C16orf95: variants seen among roughly 807,000 people sequenced by gnomAD.
C16orf95 encodes chromosome 16 open reading frame 95, also known as uncharacterized protein C16orf95.
C16orf95 carries 41 observed loss-of-function variants against 32.1 expected under a neutral mutation model. That is an observed-to-expected ratio of 1.28 (90% CI 1.00 to 1.66). C16orf95 has a LOEUF of 1.66. Ranked by LOEUF, C16orf95 falls within the 40% of genes most tolerant of loss-of-function variation. The pLI, the probability that C16orf95 is intolerant of heterozygous loss-of-function variation, is 0.00. For synonymous variants in C16orf95, 147 were observed against 128.9 expected, an observed-to-expected ratio of 1.14 and a Z score of -0.95; for missense variants, 399 against 325.9, an observed-to-expected ratio of 1.22 and a Z score of -1.73.
Position 87,316,456 on chromosome 16 carries a change from C to T in C16orf95, c.153-633G>A, listed in dbSNP as rs575312827. ...GTCAAAGTGCTTTGTATGTGGAAAC[C>T]GTAAGAGCGATATAAGTGTTTTTGG... On this transcript the variant is annotated intron_variant, in intron 1 of 6. Coordinates refer to ENST00000567970, the MANE Select transcript of C16orf95 (RefSeq NM_001195124.3). 3.9e-5 allele frequency among the ~76,000 whole-genome samples: 6 copies of T among 152,226 alleles called. No individual in the cohort carries two copies. The East Asian group carries it at 1.2e-3, about 29-fold the overall frequency.
rs1423436609 is a variant in C16orf95, at chr16:87,305,682, A to G, written c.701+37T>C. On this transcript the variant is annotated intron_variant, in intron 6 of 6. Coordinates refer to ENST00000567970, the MANE Select transcript of C16orf95 (RefSeq NM_001195124.3). The surrounding 1 kb of genome is among the most constrained non-coding windows in gnomAD (Gnocchi z 4.2). ...TCCCTCAGGTGGACGTCACCATGCC[A>G]GGGCCACCCACTGTCCCCCATCCCC... The G allele has an allele frequency of 6.2e-6, 9 of 1,457,546 alleles. No homozygotes were observed. The highest frequency in any genetic ancestry group is 7.2e-6 in the Non-Finnish European group (8 of 1,108,146). 90.3% of individuals were successfully genotyped at this position (1,457,546 alleles called of 1,614,324 possible).
chr16:87,313,492 G>A (rs1288705453), intron 3 of C16orf95, among the ~76,000 whole-genome samples: 2 of 152,192 alleles, frequency 1.3e-5, no homozygotes, highest in Non-Finnish European at 2.9e-5. Flanking sequence ...CCAGCACTTT[G>A]GGAGGCCGAG....
Position 87,302,891 on chromosome 16 carries a change from A to G in C16orf95, c.*166T>C. 1.4e-6 allele frequency: 1 copy of G among 710,130 alleles called. No individual in the cohort carries two copies. Among genetic ancestry groups the G allele is most frequent in the Non-Finnish European group, 2.4e-6 (1 of 414,110 alleles). The allele number at this position is 710,130 out of a possible 1,614,324, so 44.0% of individuals were successfully genotyped here. A position where few individuals can be genotyped will look rare whatever the true frequency, so the allele number is the denominator to read the frequency against. On this transcript the variant is annotated 3_prime_UTR_variant, in exon 7 of 7. Coordinates refer to ENST00000567970, the MANE Select transcript of C16orf95 (RefSeq NM_001195124.3). The stretch of plus-strand genomic sequence containing the variant: ...CCACATTCACATGAACTTTGCTACA[A>G]CCAAGAATCACCTGATGAGAAATCA...
At chr16:87,310,530 A>G (rs1281850942) in intron 4 of C16orf95, among the ~76,000 whole-genome samples, 197 bp from the exon 5 acceptor site, 1 of 152,194 alleles carries the variant, frequency 6.6e-6, no homozygotes, top group Non-Finnish European at 1.5e-5. Flanking sequence ...AGCAACTGGA[A>G]GTCAGGGGGA....
intron 5 of C16orf95, among the ~76,000 whole-genome samples, chr16:87,308,968 A>C (rs1410887148): frequency 2.0e-5 from 3 of 152,208 alleles, no homozygotes; most frequent in Admixed American, 6.5e-5. Context: ...GAACACGATG[A>C]ATGTTTTTTC....
chr16:87,303,488 G>A (rs934402212), intron 6 of C16orf95: 1 of 182,546 alleles, frequency 5.5e-6, no homozygotes, highest in South Asian at 1.3e-4. Flanking sequence ...GGCCGCCGAG[G>A]CTTCTCCTGA....
intron 3 of C16orf95, 60 bp from the exon 4 acceptor site, chr16:87,311,356 T>C (rs1911278772): frequency 6.9e-7 from 1 of 1,443,880 alleles, no homozygotes. Context: ...CTGTCCCCAA[T>C]GACTCCCTGA....
chr16:87,303,092 G>C lies in C16orf95; in HGVS notation c.702-17C>G, dbSNP rs1910838151. 1 of 1,536,102 alleles carries C rather than the reference G, an allele frequency of 6.5e-7. No individual in the cohort carries two copies. The highest frequency in any genetic ancestry group is 1.2e-5 in the South Asian group (1 of 84,058). On this transcript the variant is annotated splice_polypyrimidine_tract_variant and intron_variant, in intron 6 of 6. Transcript: ENST00000567970. The stretch of plus-strand genomic sequence containing the variant: ...AAACACTGGCTGGAAAGCAAAGAGA[G>C]ACAGTTACTAGGACCCGGCCCCAGG...
At chr16:87,314,490 G>A (rs1002752546) in intron 3 of C16orf95, among the ~76,000 whole-genome samples, 1 of 152,198 alleles carries the variant, frequency 6.6e-6, no homozygotes, top group African/African-American at 2.4e-5. Context: ...CAGGTCAGTG[G>A]TTGCCTGGGG....
At chr16:87,304,727 T>G (rs1597341143) in intron 6 of C16orf95, among the ~76,000 whole-genome samples, 1 of 152,108 alleles carries the variant, frequency 6.6e-6, no homozygotes, top group Non-Finnish European at 1.5e-5. Context: ...AACGTCCAAC[T>G]CTAGGAGAAT....
intron 5 of C16orf95, among the ~76,000 whole-genome samples, chr16:87,309,981 T>C (rs1911206570): frequency 6.6e-6 from 1 of 152,222 alleles, no homozygotes; most frequent in Admixed American, 6.5e-5. Flanking sequence ...TCATAAATTA[T>C]AGAAGATTAG....
chr16:87,315,662 TGGA>T, intron 2 of C16orf95, 107 bp downstream of exon 2: 3 of 838,794 alleles, frequency 3.6e-6, no homozygotes, highest in Non-Finnish European at 5.2e-6. Flanking sequence ...CTTTTGTGTT[TGGA>T]GGATTCTCTC....
intron 5 of C16orf95, among the ~76,000 whole-genome samples, chr16:87,309,771 T>C (rs993591479): frequency 2.6e-5 from 4 of 152,184 alleles, no homozygotes; most frequent in Non-Finnish European, 5.9e-5. Context: ...GTATATACTA[T>C]GTCTATCATG....
At chr16:87,315,640 CCTG>C (rs1200627597) in intron 2 of C16orf95, 129 bp downstream of exon 2, 2 of 699,262 alleles carry the variant, frequency 2.9e-6, no homozygotes, top group African/African-American at 1.8e-5. Flanking sequence ...AGGGATAGCT[CCTG>C]CAACCACACT....
intron 3 of C16orf95, among the ~76,000 whole-genome samples, chr16:87,314,588 G>C (rs982405899): frequency 6.6e-6 from 1 of 152,182 alleles, no homozygotes; most frequent in African/African-American, 2.4e-5. Flanking sequence ...TCTTGATGGT[G>C]GTGGTGGGTT....
rs935034398 is a variant in C16orf95 at position 87,317,360 on chromosome 16, C to T, written c.-118G>A. On this transcript the variant is annotated 5_prime_UTR_variant, in exon 1 of 7. Transcript: ENST00000567970. ...AACCCAACCCGAGCTCAACCCCAGCCCCAACCTCAACCGCTCAGAGGAGCC... is the reference window on the plus strand; with the variant it reads ...AACCCAACCCGAGCTCAACCCCAGCTCCAACCTCAACCGCTCAGAGGAGCC... 60 of 1,421,108 alleles carry T rather than the reference C, an allele frequency of 4.2e-5. No individual in the cohort carries two copies. Among genetic ancestry groups the T allele is most frequent in the East Asian group, 1.1e-4 (4 of 37,108 alleles). 88.0% of individuals were successfully genotyped at this position (1,421,108 alleles called of 1,614,324 possible). A position where few individuals can be genotyped will look rare whatever the true frequency, so the allele number is the denominator to read the frequency against.
chr16:87,317,196 T>C lies in C16orf95; in HGVS notation c.47A>G (p.His16Arg). ...TGAGGCTGCTCCAGTGGCCTCATGA[T>C]GATGGTGACAACGCCGCGGGGACGG... ...SPPSPRRCHH[H>R]HEATGAASGA... The change falls in exon 1 of 7, where the codon CAT (histidine) becomes CGT (arginine). Residue 16 changes from histidine (H) to arginine (R), a missense_variant. Transcript: ENST00000567970. 1 of 1,531,120 alleles carries C rather than the reference T, an allele frequency of 6.5e-7. No individual in the cohort carries two copies. The highest frequency in any genetic ancestry group is 2.5e-5 in the East Asian group (1 of 40,406). The allele number at this position is 1,531,120 out of a possible 1,614,324, so 94.8% of individuals were successfully genotyped here. A position where few individuals can be genotyped will look rare whatever the true frequency, so the allele number is the denominator to read the frequency against.
Position 87,317,371 on chromosome 16 carries a change from C to A in C16orf95, c.-129G>T. The A allele has an allele frequency of 7.1e-7, 1 of 1,413,600 alleles. No homozygotes were observed. Among genetic ancestry groups the A allele is most frequent in the African/African-American group, 1.5e-5 (1 of 68,652 alleles). 87.6% of individuals were successfully genotyped at this position (1,413,600 alleles called of 1,614,324 possible). A position where few individuals can be genotyped will look rare whatever the true frequency, so the allele number is the denominator to read the frequency against. ...AGCTCAACCCCAGCCCCAACCTCAACCGCTCAGAGGAGCCCAACAACGCCC... is the reference window on the plus strand; with the variant it reads ...AGCTCAACCCCAGCCCCAACCTCAAACGCTCAGAGGAGCCCAACAACGCCC... On this transcript the variant is annotated 5_prime_UTR_variant, in exon 1 of 7. Coordinates refer to ENST00000567970, the MANE Select transcript of C16orf95 (RefSeq NM_001195124.3).
rs1460461811 is a variant in C16orf95 at position 87,317,271 on chromosome 16, C to T, written c.-29G>A. 6.7e-7 allele frequency: 1 copy of T among 1,496,384 alleles called. No individual in the cohort carries two copies. Among genetic ancestry groups the T allele is most frequent in the Non-Finnish European group, 8.9e-7 (1 of 1,123,848 alleles). The allele number at this position is 1,496,384 out of a possible 1,614,324, so 92.7% of individuals were successfully genotyped here. ...GCTTCTTATGGCTGACGCGCCCTTT[C>T]ACACACACATCGTCCGCAGGCCCTG... is the stretch of plus-strand genomic sequence containing the variant. On this transcript the variant is annotated 5_prime_UTR_variant, in exon 1 of 7. The change abolishes the stop of an existing upstream ORF in the 5' untranslated region. Coordinates refer to ENST00000567970, the MANE Select transcript of C16orf95 (RefSeq NM_001195124.3).
Sources: allele counts gnomAD v4.1 joint callset (sites outside exome capture counted in the v4.1 genomes callset), GRCh38; gene constraint gnomAD v4.1.1; non-coding constraint Gnocchi (gnomAD v3.1); transcripts MANE v1.5; gene names NCBI Gene and HGNC (gene_info 2026-07-23, HGNC 2026-07-21).